Variants in LNX1 observed in about 807,000 individuals in gnomAD.
The protein encoded by LNX1 is E3 ubiquitin-protein ligase LNX.
LNX1 carries 54 observed loss-of-function variants against 68.4 expected under a neutral mutation model. That is an observed-to-expected ratio of 0.79 (90% CI 0.63 to 0.99). The LOEUF (loss-of-function observed/expected upper bound fraction) is 0.99. LNX1 is among the 50% of genes least tolerant of loss of function. LNX1 has a pLI of 0.00. For missense variants in LNX1, 906 were observed against 926.4 expected (o/e 0.98, Z 0.29); for synonymous variants, 336 against 350.0 (o/e 0.96, Z 0.45).
intron 1 of LNX1, among the ~76,000 whole-genome samples, chr4:53,625,888 A>G (rs572303116): frequency 2.2e-4 from 28 of 128,222 alleles, no homozygotes; most frequent in Non-Finnish European, 3.9e-4. Context: ...TGTGTATCCA[A>G]GAAAACTGAA....
chr4:53,519,503 C>A (rs1055607470), intron 2 of LNX1, among the ~76,000 whole-genome samples: 2 of 151,222 alleles, frequency 1.3e-5, no homozygotes, highest in East Asian at 1.9e-4. Context: ...AACTTCCCCC[C>A]ACTGGTTGTA....
intron 2 of LNX1, among the ~76,000 whole-genome samples, chr4:53,567,028 T>A (rs1221254757): frequency 3.3e-5 from 5 of 150,212 alleles, no homozygotes; most frequent in Non-Finnish European, 7.4e-5. Flanking sequence ...AGACTTAGAC[T>A]CCCACACATT....
intron 2 of LNX1, chr4:53,604,142 T>C (rs143199807): frequency 6.6e-6 from 1 of 152,322 alleles, no homozygotes; most frequent in East Asian, 1.9e-4. Context: ...ATCAAATTGA[T>C]GACAATTTGA....
At chr4:53,564,583 T>C (rs1730513748) in intron 2 of LNX1, among the ~76,000 whole-genome samples, 1 of 152,246 alleles carries the variant, frequency 6.6e-6, no homozygotes, top group Non-Finnish European at 1.5e-5. Context: ...TCTGAGTATG[T>C]CACTTCATAT....
At chr4:53,569,613 C>G (rs1730985368) in intron 2 of LNX1, among the ~76,000 whole-genome samples, 1 of 150,748 alleles carries the variant, frequency 6.6e-6, no homozygotes, top group Middle Eastern at 3.5e-3. Context: ...GCAAGGACTT[C>G]ATGTTTAAAA....
chr4:53,625,844 C>CGTGTGT (rs59366709), intron 1 of LNX1, among the ~76,000 whole-genome samples: 43,384 of 143,982 alleles, frequency 0.3, 6,817 homozygotes, highest in South Asian at 0.51. Context: ...AATTCCACCC[C>CGTGTGT]GTGTGTGTGT....
At chr4:53,465,486 A>T (rs1722608935) in intron 9 of LNX1, among the ~76,000 whole-genome samples, 1 of 152,206 alleles carries the variant, frequency 6.6e-6, no homozygotes, top group Non-Finnish European at 1.5e-5. Flanking sequence ...GAGGCACTGT[A>T]TTAAGTTACA....
chr4:53,486,855 G>A (rs922318792), intron 6 of LNX1, among the ~76,000 whole-genome samples: 2 of 152,084 alleles, frequency 1.3e-5, no homozygotes, highest in Non-Finnish European at 2.9e-5. Context: ...GGAGCACATG[G>A]CATCTTTCTA....
intron 7 of LNX1, among the ~76,000 whole-genome samples, chr4:53,480,449 C>T (rs1223890396): frequency 2.0e-5 from 3 of 152,104 alleles, no homozygotes; most frequent in African/African-American, 7.2e-5. Context: ...CTAGTTAATT[C>T]AACTAAAATT....
chr4:53,512,178 G>C (rs1579443036), intron 2 of LNX1, among the ~76,000 whole-genome samples: 1 of 152,040 alleles, frequency 6.6e-6, no homozygotes, highest in African/African-American at 2.4e-5. Flanking sequence ...CACAGTGGCT[G>C]CTCCACCCTT....
intron 1 of LNX1, among the ~76,000 whole-genome samples, chr4:53,581,099 C>CAAAA (rs1731807785): frequency 6.6e-6 from 1 of 152,082 alleles, no homozygotes; most frequent in South Asian, 2.1e-4. Flanking sequence ...ACCCCACCCC[C>CAAAA]AAAAGATGCA....
rs975238346 is a variant in LNX1, at chr4:53,459,814, G to A, written c.*1093C>T. On this transcript the variant is annotated 3_prime_UTR_variant, in exon 11 of 11. Transcript: ENST00000263925. ...TGTTAATCAAACACCACTCTCTTAAGAGGCTGCATCACAAAAGGCAACAAA... is the reference window on the plus strand; with the variant it reads ...TGTTAATCAAACACCACTCTCTTAAAAGGCTGCATCACAAAAGGCAACAAA... 3.4e-6 allele frequency: 1 copy of A among 295,112 alleles called. No homozygotes were observed. The highest frequency in any genetic ancestry group is 2.2e-5 in the African/African-American group (1 of 45,892). The allele number at this position is 295,112 out of a possible 1,614,324, so 18.3% of individuals were successfully genotyped here. A position where few individuals can be genotyped will look rare whatever the true frequency, so the allele number is the denominator to read the frequency against.
chr4:53,468,763 A>T (rs1270503968), intron 9 of LNX1, among the ~76,000 whole-genome samples: 1 of 152,254 alleles, frequency 6.6e-6, no homozygotes, highest in Non-Finnish European at 1.5e-5. Flanking sequence ...ATAATGGTAA[A>T]GGGATCAATT....
rs1423060300 is a variant in LNX1, at chr4:53,597,061, C to T, written c.-214-5546G>A. ...AGTTTCACTTTAGGTCCATCTAGCC[C>T]AGATCCTACTTCCTTGCCAGCATCT... On this transcript the variant is annotated intron_variant, in intron 2 of 3. Transcript: ENST00000504299. Among the ~76,000 whole-genome samples the T allele has an allele frequency of 2.0e-5, 3 of 152,166 alleles. No homozygotes were observed. In the East Asian group the frequency reaches 5.8e-4, roughly 29 times the overall value.
intron 1 of LNX1, among the ~76,000 whole-genome samples, chr4:53,642,802 C>T (rs565943402): frequency 2.6e-5 from 4 of 152,294 alleles, no homozygotes; most frequent in African/African-American, 9.6e-5. Context: ...GTGCCATGAC[C>T]ATGAGAGGGG....
intron 2 of LNX1, among the ~76,000 whole-genome samples, chr4:53,599,053 G>C (rs1285054376): frequency 6.6e-6 from 1 of 152,146 alleles, no homozygotes; most frequent in East Asian, 1.9e-4. Context: ...TAACTTTAAG[G>C]CTCCAAGTTA....
At chr4:53,643,575 G>GGA (rs1203657117) in intron 1 of LNX1, among the ~76,000 whole-genome samples, 1 of 152,178 alleles carries the variant, frequency 6.6e-6, no homozygotes, top group Non-Finnish European at 1.5e-5. Context: ...CACAGAGATA[G>GGA]GGTAACAAAA....
chr4:53,504,045 G>C (rs1052158493), intron 4 of LNX1, among the ~76,000 whole-genome samples: 2 of 152,196 alleles, frequency 1.3e-5, no homozygotes, highest in African/African-American at 4.8e-5. Flanking sequence ...TGAGACAAGA[G>C]AATCACTTGA....
At chr4:53,606,609 A>G (rs1733245640) in intron 2 of LNX1, among the ~76,000 whole-genome samples, 1 of 152,126 alleles carries the variant, frequency 6.6e-6, no homozygotes, top group Non-Finnish European at 1.5e-5. Context: ...AACTCATTCT[A>G]TTTGGTATCA....
Sources: gnomAD v4.1 joint callset for allele counts (sites outside exome capture counted in the v4.1 genomes callset) on GRCh38, gnomAD v4.1.1 for gene constraint, MANE v1.5 for transcripts, NCBI Gene and HGNC (gene_info 2026-07-23, HGNC 2026-07-21) for gene names.